Variants in DDX41 observed in about 807,000 individuals in gnomAD.
DDX41 encodes the protein DEAD-box helicase 41, also known as probable ATP-dependent RNA helicase DDX41.
Under a neutral mutation model 78.8 loss-of-function variants are expected in DDX41, and 50 were observed. The ratio of observed to expected loss-of-function variants is 0.63; its 90% CI spans 0.51 to 0.80. The LOEUF (loss-of-function observed/expected upper bound fraction) is 0.80, where lower values mean the gene tolerates loss of function less well. Among genes scored for constraint, DDX41 ranks in the 30% least tolerant of loss-of-function variants. The probability of loss-of-function intolerance (pLI) is 0.00; values close to 1 mark genes in which losing one functional copy is unlikely to be tolerated. For missense variants in DDX41, 633 were observed against 849.2 expected (o/e 0.75, Z 3.16); for synonymous variants, 381 against 321.5 (o/e 1.19, Z -1.98).
In DDX41 at chr5:177,511,635, T is replaced by C. The variant is rs1760940321; in HGVS notation, c.*156A>G. The C allele has an allele frequency of 3.0e-6, 3 of 1,011,064 alleles. No homozygotes were observed. Among genetic ancestry groups the C allele is most frequent in the Non-Finnish European group, 4.4e-6 (3 of 688,180 alleles). The allele number at this position is 1,011,064 out of a possible 1,614,324, so 62.6% of individuals were successfully genotyped here. The stretch of plus-strand genomic sequence containing the variant: ...GGTAAAAGGAAACAAAAACAGTAAT[T>C]CTGAAGAGCACAGGGAACAGGCAGC... On this transcript the variant is annotated 3_prime_UTR_variant, in exon 17 of 17. Transcript: ENST00000330503.
rs1761074071 is a variant in DDX41, at chr5:177,513,428, A to G, written c.1155T>C (p.Phe385=). 5.6e-6 allele frequency: 9 copies of G among 1,614,184 alleles called. No individual in the cohort carries two copies. The highest frequency in any genetic ancestry group is 6.8e-6 in the Non-Finnish European group (8 of 1,180,036). Residue 385 remains phenylalanine (F), a synonymous_variant, in exon 11 of 17, where the codon TTT becomes TTC. Coordinates refer to ENST00000330503, the MANE Select transcript of DDX41 (RefSeq NM_016222.4). The surrounding 1 kb of genome is among the most constrained non-coding windows in gnomAD (Gnocchi z 4.6). The part of the protein sequence containing the change: ...SATMPKKIQN[F]AKSALVKPVT... ...CAGGCTTTACAAGGGCACTCTTAGC[A>G]AAGTTCTGAATCTTCTTCGGCATGG...
rs1014402897 is a variant in DDX41 at position 177,512,498 on chromosome 5, T to C, written c.1547A>G (p.Tyr516Cys). ...NYDMPEEIENYVHRIGRTGRS... is the reference protein window; with the variant it reads ...NYDMPEEIENCVHRIGRTGRS... ...GCCCTTGGGCCCCAGGCTCTTACCA[T>C]AGTTCTCAATCTCCTCTGGCATGTC... Residue 516 changes from tyrosine to cysteine, a missense_variant and splice_region_variant, in exon 14 of 17, where the codon TAT becomes TGT. Around this residue, in one of 6 missense-constraint regions of DDX41, gnomAD observed 185 missense variants for 367.4 expected, o/e 0.50. Coordinates refer to ENST00000330503, the MANE Select transcript of DDX41 (RefSeq NM_016222.4). 9.3e-6 allele frequency: 15 copies of C among 1,614,014 alleles called. No homozygotes were observed. The highest frequency in any genetic ancestry group is 1.3e-5 in the African/African-American group (1 of 74,916).
chr5:177,515,705 T>G lies in DDX41; in HGVS notation c.551A>C (p.Lys184Thr), dbSNP rs765561953. Residue 184 changes from lysine to threonine, a missense_variant, in exon 6 of 17, where the codon AAG becomes ACG. Lys to Thr is a moderately conservative substitution (Grantham distance 78). This residue lies in a region of DDX41 where 126 missense variants were observed against 115.5 expected (regional missense o/e 1.09). Coordinates refer to ENST00000330503, the MANE Select transcript of DDX41 (RefSeq NM_016222.4). ...ACTACCTGCAGGAAACTTCATTTCCTTGAAGCTCTTGATGGGTGGTGGGAT... is the reference window on the plus strand; with the variant it reads ...ACTACCTGCAGGAAACTTCATTTCCGTGAAGCTCTTGATGGGTGGTGGGAT... The part of the protein sequence containing the change: ...DGIPPPIKSF[K>T]EMKFPAAILR... The G allele has an allele frequency of 1.9e-6, 3 of 1,614,124 alleles. No individual in the cohort carries two copies. The South Asian group carries it at 3.3e-5, about 18-fold the overall frequency.
At chr5:177,512,731 A>G in intron 13 of DDX41, 49 bp downstream of exon 13, 1 of 1,613,208 alleles carries the variant, frequency 6.2e-7, no homozygotes, top group East Asian at 2.2e-5. Flanking sequence ...CATTAGGTAA[A>G]GCACTGCTAC....
chr5:177,511,688 A>G lies in DDX41; in HGVS notation c.*103T>C, dbSNP rs1760944794. 2.6e-6 allele frequency: 4 copies of G among 1,512,198 alleles called. No individual in the cohort carries two copies. Among genetic ancestry groups the G allele is most frequent in the Non-Finnish European group, 2.7e-6 (3 of 1,104,738 alleles). 93.7% of individuals were successfully genotyped at this position (1,512,198 alleles called of 1,614,324 possible). ...GGACCAGCCTGGCCCATCCCAGGCC[A>G]GCTGAGCTGAAATGCTGATTCTGTC... On this transcript the variant is annotated 3_prime_UTR_variant, in exon 17 of 17. Transcript: ENST00000330503.
intron 2 of DDX41, 99 bp from the exon 3 acceptor site, chr5:177,516,546 G>C: frequency 6.7e-7 from 1 of 1,498,826 alleles, no homozygotes; most frequent in South Asian, 1.1e-5. Flanking sequence ...TGCCCGAGGC[G>C]CAAAGCTGCC....
Position 177,512,123 on chromosome 5 carries a change from C to T in DDX41, c.1705G>A (p.Gly569Arg), listed in dbSNP as rs757180883. Residue 569 changes from glycine (G) to arginine (R), a missense_variant, in exon 16 of 17, where the codon GGG becomes AGG. This residue lies in a region of DDX41 where 185 missense variants were observed against 367.4 expected (regional missense o/e 0.50). Coordinates refer to ENST00000330503, the MANE Select transcript of DDX41 (RefSeq NM_016222.4). ...CCAATGTCCAGCATGGACTCATCCC[C>T]GCAATGCAGCACCTGCAGCACGGGC... ...VPPVLQVLHC[G>R]DESMLDIGGE... The T allele has an allele frequency of 8.1e-6, 13 of 1,613,358 alleles. No homozygotes were observed. The highest frequency in any genetic ancestry group is 2.2e-5 in the East Asian group (1 of 44,892).
Position 177,516,918 on chromosome 5 carries a change from C to T in DDX41, c.27+1G>A. On this transcript the variant is annotated splice_donor_variant, in intron 1 of 16. Coordinates refer to ENST00000330503, the MANE Select transcript of DDX41 (RefSeq NM_016222.4). LOFTEE classifies it high-confidence loss of function. ...CGCGCGGGGTCTCGCCTCTCTCCTA[C>T]CTTCCGTTCGGGTTCCGACTCCTCC... The T allele has an allele frequency of 6.2e-7, 1 of 1,613,282 alleles. No homozygotes were observed. Among genetic ancestry groups the T allele is most frequent in the Non-Finnish European group, 8.5e-7 (1 of 1,179,988 alleles).
chr5:177,513,624 A>G lies in DDX41; in HGVS notation c.1098+61T>C, dbSNP rs1454916858. The G allele has an allele frequency of 1.0e-5, 16 of 1,606,462 alleles. No individual in the cohort carries two copies. The highest frequency in any genetic ancestry group is 1.2e-5 in the Non-Finnish European group (14 of 1,175,014). Reference sequence around the variant, plus strand: ...GTGGCCAGGGGCATGGGGTCCCTGCAGTCTGATGTGGCGTGCAGTGGGGGG... The same window carrying G: ...GTGGCCAGGGGCATGGGGTCCCTGCGGTCTGATGTGGCGTGCAGTGGGGGG... On this transcript the variant is annotated intron_variant, in intron 10 of 16. Transcript: ENST00000330503. This position sits in a 1 kb window ranked among gnomAD's most constrained non-coding sequence, Gnocchi z 4.6.
chr5:177,515,403 GAAAAA>G (rs1316311927), intron 6 of DDX41, 145 bp from the exon 7 acceptor site: 1 of 957,228 alleles, frequency 1.0e-6, no homozygotes, highest in Non-Finnish European at 1.6e-6. Flanking sequence ...AAAAAAAAAA[GAAAAA>G]AAGAGACTTG....
chr5:177,515,921 A>G lies in DDX41; in HGVS notation c.434+8T>C. On this transcript the variant is annotated splice_region_variant and intron_variant, in intron 5 of 16. Transcript: ENST00000330503. ...AAGCAAGGGCAACTGCAGACTGTAC[A>G]GACATACCTGGTTTTGATGGGGTCA... is the stretch of plus-strand genomic sequence containing the variant. 6.2e-7 allele frequency: 1 copy of G among 1,614,226 alleles called. No homozygotes were observed. The highest frequency in any genetic ancestry group is 8.5e-7 in the Non-Finnish European group (1 of 1,180,036).
chr5:177,516,060 C>T lies in DDX41; in HGVS notation c.373+59G>A, dbSNP rs1167161825. The T allele has an allele frequency of 4.3e-6, 7 of 1,613,830 alleles. No individual in the cohort carries two copies. The East Asian group carries it at 1.1e-4, about 26-fold the overall frequency. On this transcript the variant is annotated intron_variant, in intron 4 of 16. Coordinates refer to ENST00000330503, the MANE Select transcript of DDX41 (RefSeq NM_016222.4). ...GCCAGATCCCTTGAGATATAACATG[C>T]CTGGGGCTGGGAGGAGAAGACTCAG... is the stretch of plus-strand genomic sequence containing the variant.
chr5:177,514,422 A>G lies in DDX41; in HGVS notation c.935+279T>C, dbSNP rs1761127613. Reference sequence around the variant, plus strand: ...TCAGCCTGGACTGCCCCTCTTCCCAATTCAAATGTCACCTTCCCGGAAAAG... The same window carrying G: ...TCAGCCTGGACTGCCCCTCTTCCCAGTTCAAATGTCACCTTCCCGGAAAAG... On this transcript the variant is annotated intron_variant, in intron 9 of 16. Coordinates refer to ENST00000330503, the MANE Select transcript of DDX41 (RefSeq NM_016222.4). This position sits in a 1 kb window ranked among gnomAD's most constrained non-coding sequence, Gnocchi z 4.2. 2 of 537,116 alleles carry G rather than the reference A, an allele frequency of 3.7e-6. No homozygotes were observed. The highest frequency in any genetic ancestry group is 3.2e-5 in the Admixed American group (1 of 31,378). The allele number at this position is 537,116 out of a possible 1,614,324, so 33.3% of individuals were successfully genotyped here.
chr5:177,515,657 G>GTGGTATCTCTCTCCAGCCC, intron 6 of DDX41, 28 bp downstream of exon 6: 1 of 1,612,096 alleles, frequency 6.2e-7, no homozygotes, highest in Admixed American at 1.7e-5. Context: ...TTATAAAAGT[G>GTGGTATCTCTCTCCAGCCC]TGGTATCTCT....
Position 177,513,847 on chromosome 5 carries a change from G to T in DDX41, c.936C>A (p.His312Gln), listed in dbSNP as rs377107791. ...SVKEQMETIR[H>Q]GVHMMVATPG... ...GGGTGGCCACCATCATGTGTACACC[G>T]CTGGGGACCAAGGAGAGACCCTGAG... Residue 312 changes from histidine (H) to glutamine (Q), a missense_variant and splice_region_variant, in exon 10 of 17, where the codon CAC (histidine) becomes CAA (glutamine). Around this residue, in one of 6 missense-constraint regions of DDX41, gnomAD observed 151 missense variants for 169.2 expected, o/e 0.89. Transcript: ENST00000330503. This position sits in a 1 kb window ranked among gnomAD's most constrained non-coding sequence, Gnocchi z 4.6. 1 of 1,613,376 alleles carries T rather than the reference G, an allele frequency of 6.2e-7. No individual in the cohort carries two copies. Among genetic ancestry groups the T allele is most frequent in the Non-Finnish European group, 8.5e-7 (1 of 1,179,888 alleles).
At chr5:177,512,452 C>A in intron 14 of DDX41, 44 bp downstream of exon 14, 3 of 1,614,014 alleles carry the variant, frequency 1.9e-6, no homozygotes. Context: ...CCTGGCTTGG[C>A]CCTTTTCCGG....
At position 177,512,888 on chromosome 5, in the gene DDX41, G is replaced by A. The variant is rs1404917826; in HGVS notation, c.1303-12C>T. ...GCAAAGATGAGTACCTGTCCGGAAAGACCAACTCCAGTCAGGGGCTAACTG... is the reference window on the plus strand; with the variant it reads ...GCAAAGATGAGTACCTGTCCGGAAAAACCAACTCCAGTCAGGGGCTAACTG... On this transcript the variant is annotated splice_polypyrimidine_tract_variant and intron_variant, in intron 12 of 16. Coordinates refer to ENST00000330503, the MANE Select transcript of DDX41 (RefSeq NM_016222.4). The A allele has an allele frequency of 6.2e-7, 1 of 1,613,416 alleles. No individual in the cohort carries two copies. Among genetic ancestry groups the A allele is most frequent in the Admixed American group, 1.7e-5 (1 of 59,998 alleles).
chr5:177,516,459 C>T lies in DDX41; in HGVS notation c.139-12G>A. ...AGCAGCTTCTGGAGCTGAGGTTCCA[C>T]CCGGGATCCACAGATAGGATGGGCA... On this transcript the variant is annotated splice_polypyrimidine_tract_variant and intron_variant, in intron 2 of 16. Transcript: ENST00000330503. 1 of 1,612,912 alleles carries T rather than the reference C, an allele frequency of 6.2e-7. No individual in the cohort carries two copies. Among genetic ancestry groups the T allele is most frequent in the Non-Finnish European group, 8.5e-7 (1 of 1,179,996 alleles).
chr5:177,514,057 C>T lies in DDX41; in HGVS notation c.936-210G>A, dbSNP rs75600082. ...ATCTTCACCACCGCTCGGCCTGGCG[C>T]GCCTTCCCCCTTCTCCTGGGTCAGC... is the stretch of plus-strand genomic sequence containing the variant. On this transcript the variant is annotated intron_variant, in intron 9 of 16. Transcript: ENST00000330503. The surrounding 1 kb of genome is among the most constrained non-coding windows in gnomAD (Gnocchi z 4.2). 9.6e-3 allele frequency: 6,666 copies of T among 691,438 alleles called. 352 individuals are homozygous for T. The African/African-American group carries it at 0.1, about 11-fold the overall frequency. The allele number at this position is 691,438 out of a possible 1,614,324, so 42.8% of individuals were successfully genotyped here.
Sources: gnomAD v4.1 joint callset for allele counts on GRCh38, gnomAD v4.1.1 for gene constraint, gnomAD v4.1.1 regional missense constraint, Gnocchi (gnomAD v3.1) non-coding constraint, MANE v1.5 for transcripts, NCBI Gene and HGNC (gene_info 2026-07-23, HGNC 2026-07-21) for gene names.